RGS18: variants seen among roughly 807,000 people sequenced by gnomAD.
The protein encoded by RGS18 is regulator of G-protein signaling 18.
RGS18 carries 22 observed loss-of-function variants against 27.6 expected under a neutral mutation model. That is an observed-to-expected ratio of 0.80 (90% CI 0.57 to 1.14). The LOEUF (loss-of-function observed/expected upper bound fraction) is 1.14. Among genes scored for constraint, RGS18 ranks in the 50% most tolerant of loss-of-function variants. The pLI is 0.00. For synonymous variants in RGS18, 89 were observed against 84.6 expected (o/e 1.05, Z -0.29); for missense variants, 299 against 269.6 (o/e 1.11, Z -0.76).
chr1:192,158,849 GA>G, intron 1 of RGS18, 93 bp downstream of exon 1: 2 of 882,156 alleles, frequency 2.3e-6, no homozygotes, highest in South Asian at 1.7e-5. Context: ...CTATTGGGTG[GA>G]AAATATATTG....
At chr1:192,170,340 A>C (rs1469075034) in intron 3 of RGS18, among the ~76,000 whole-genome samples, 2 of 152,136 alleles carry the variant, frequency 1.3e-5, no homozygotes, top group Non-Finnish European at 2.9e-5. Flanking sequence ...CTGTCTTCGC[A>C]GTAATAAGCG....
At chr1:192,177,697 T>C (rs1161083902) in intron 3 of RGS18, among the ~76,000 whole-genome samples, 2 of 151,706 alleles carry the variant, frequency 1.3e-5, no homozygotes, top group Non-Finnish European at 1.5e-5. Flanking sequence ...ATATAGGCTG[T>C]ATGGGTTAGA....
At chr1:192,165,938 CTATT>C (rs1400335396) in intron 3 of RGS18, among the ~76,000 whole-genome samples, 10 of 152,142 alleles carry the variant, frequency 6.6e-5, no homozygotes, top group Admixed American at 3.9e-4. Flanking sequence ...TTTCTAAGGG[CTATT>C]TAAATTTAAA....
At chr1:192,183,907 T>C (rs1656497339) in intron 4 of RGS18, among the ~76,000 whole-genome samples, 1 of 151,590 alleles carries the variant, frequency 6.6e-6, no homozygotes. Flanking sequence ...TCAGGAAGCT[T>C]CCAATCATGG....
At chr1:192,159,177 C>G (rs562038493) in intron 1 of RGS18, 43 bp from the exon 2 acceptor site, 5 of 1,408,946 alleles carry the variant, frequency 3.5e-6, no homozygotes, top group Non-Finnish European at 5.0e-6. Context: ...GAGATTTTAA[C>G]TGTCATCTAA....
chr1:192,170,213 C>T (rs1174724149), intron 3 of RGS18, among the ~76,000 whole-genome samples: 6 of 152,036 alleles, frequency 3.9e-5, no homozygotes, highest in Admixed American at 2.6e-4. Flanking sequence ...GCATGTGATA[C>T]GGTTTGGTTG....
chr1:192,178,727 TAATC>T (rs1474647638), intron 3 of RGS18, among the ~76,000 whole-genome samples: 1 of 151,650 alleles, frequency 6.6e-6, no homozygotes, highest in Non-Finnish European at 1.5e-5. Context: ...GTAGAAAACT[TAATC>T]AAAGATTTTA....
intron 3 of RGS18, among the ~76,000 whole-genome samples, chr1:192,173,558 A>G (rs768712039): frequency 6.6e-6 from 1 of 151,882 alleles, no homozygotes; most frequent in Non-Finnish European, 1.5e-5. Flanking sequence ...GATGGAATTT[A>G]CTAAATTTGG....
Position 192,158,707 on chromosome 1 carries a change from T to A in RGS18, c.70T>A (p.Leu24Ile). ...ATCAAAAGAAAAAACTTTTTTCAAG[T>A]TAATACATGGTTCAGGAAAAGAAGA... Reference protein sequence around the residue: ...CESKEKTFFKLIHGSGKEETS... With the variant: ...CESKEKTFFKIIHGSGKEETS... Residue 24 changes from leucine (L) to isoleucine (I), a missense_variant, in exon 1 of 5, where the codon TTA becomes ATA. Physicochemically the swap from Leu to Ile is conservative, Grantham distance 5. Coordinates refer to ENST00000367460, the MANE Select transcript of RGS18 (RefSeq NM_130782.3). The A allele has an allele frequency of 1.9e-6, 3 of 1,579,406 alleles. No individual in the cohort carries two copies. The highest frequency in any genetic ancestry group is 2.6e-6 in the Non-Finnish European group (3 of 1,167,780).
chr1:192,163,577 A>C (rs562433250), intron 3 of RGS18: 1 of 152,236 alleles, frequency 6.6e-6, no homozygotes, highest in African/African-American at 2.4e-5. Flanking sequence ...CTGCAATTTA[A>C]ATCAAGAAGA....
rs766347654 is a variant in RGS18 at position 192,184,402 on chromosome 1, C to G, written c.556C>G (p.Gln186Glu). ...AQSRVYQLME[Q>E]DSYTRFLKSD... Reference sequence around the variant, plus strand: ...AAGCAGAGTGTATCAGCTCATGGAACAAGACAGTTATACACGTTTTCTGAA... The same window carrying G: ...AAGCAGAGTGTATCAGCTCATGGAAGAAGACAGTTATACACGTTTTCTGAA... Residue 186 changes from glutamine (Q) to glutamate (E), a missense_variant, in exon 5 of 5, where the codon CAA becomes GAA. Physicochemically the swap from Gln to Glu is conservative, Grantham distance 29. Coordinates refer to ENST00000367460, the MANE Select transcript of RGS18 (RefSeq NM_130782.3). 6.2e-7 allele frequency: 1 copy of G among 1,611,824 alleles called. No homozygotes were observed. Among genetic ancestry groups the G allele is most frequent in the Non-Finnish European group, 8.5e-7 (1 of 1,178,624 alleles).
chr1:192,177,720 C>T (rs1571392775), intron 3 of RGS18, among the ~76,000 whole-genome samples: 1 of 151,648 alleles, frequency 6.6e-6, no homozygotes, highest in Admixed American at 6.6e-5. Context: ...AATAAAATTG[C>T]TTTATGGATT....
intron 3 of RGS18, among the ~76,000 whole-genome samples, chr1:192,179,856 A>G (rs1656420977): frequency 6.6e-6 from 1 of 151,542 alleles, no homozygotes; most frequent in Non-Finnish European, 1.5e-5. Flanking sequence ...CATGTGTTAC[A>G]CTTGTAACTT....
intron 3 of RGS18, among the ~76,000 whole-genome samples, chr1:192,172,142 C>T (rs2102155751): frequency 6.6e-6 from 1 of 152,116 alleles, no homozygotes; most frequent in Non-Finnish European, 1.5e-5. Context: ...GTTTGTTTCT[C>T]CCCTCACCCC....
intron 3 of RGS18, among the ~76,000 whole-genome samples, chr1:192,166,989 A>T (rs1020315512): frequency 9.9e-5 from 15 of 152,182 alleles, no homozygotes; most frequent in Non-Finnish European, 1.2e-4. Context: ...ACTACTACGT[A>T]ACTGTTCCTT....
intron 3 of RGS18, among the ~76,000 whole-genome samples, chr1:192,170,969 C>G (rs1223704565): frequency 6.6e-6 from 1 of 152,052 alleles, no homozygotes; most frequent in Non-Finnish European, 1.5e-5. Context: ...GAAAGAAAAT[C>G]AAATAGGAAC....
At chr1:192,179,687 T>A (rs1313028487) in intron 3 of RGS18, among the ~76,000 whole-genome samples, 1 of 151,628 alleles carries the variant, frequency 6.6e-6, no homozygotes, top group Non-Finnish European at 1.5e-5. Flanking sequence ...TCAGGCTGTG[T>A]GGAAAATAGA....
intron 3 of RGS18, chr1:192,167,735 C>A (rs1367726999): frequency 6.6e-6 from 1 of 152,030 alleles, no homozygotes; most frequent in African/African-American, 2.4e-5. Context: ...CACTCAATTT[C>A]TTAATTTATC....
At chr1:192,166,634 T>C (rs1013749816) in intron 3 of RGS18, among the ~76,000 whole-genome samples, 3 of 152,026 alleles carry the variant, frequency 2.0e-5, no homozygotes, top group African/African-American at 7.2e-5. Context: ...ATGTATGTTA[T>C]TGAGTGAGAA....
Sources: allele counts gnomAD v4.1 joint callset (sites outside exome capture counted in the v4.1 genomes callset), GRCh38; gene constraint gnomAD v4.1.1; transcripts MANE v1.5; gene names NCBI Gene and HGNC (gene_info 2026-07-23, HGNC 2026-07-21).